The following ERP44 variants were observed in gnomAD, a reference collection of about 807,000 sequenced individuals.
ERP44 encodes endoplasmic reticulum protein 44, also known as endoplasmic reticulum resident protein 44.
In ERP44, 25 loss-of-function variants were observed where a neutral mutation model predicts 53.4. The observed-to-expected ratio is 0.47, with a 90% CI of 0.34 to 0.65. The LOEUF is 0.65. Ranked by LOEUF, ERP44 falls within the 30% of genes least tolerant of loss-of-function variation. The pLI is 0.01. For synonymous variants in ERP44, 145 were observed against 161.2 expected (o/e 0.90, Z 0.76); for missense variants, 338 against 493.2 (o/e 0.69, Z 2.98).
chr9:100,056,226 T>C (rs2118712355), intron 3 of ERP44, among the ~76,000 whole-genome samples: 1 of 152,326 alleles, frequency 6.6e-6, no homozygotes, highest in East Asian at 1.9e-4. Flanking sequence ...TAAAATGGAT[T>C]GGACTACATA....
intron 1 of ERP44, among the ~76,000 whole-genome samples, chr9:100,082,482 A>G (rs2118750114): frequency 6.6e-6 from 1 of 152,148 alleles, no homozygotes; most frequent in African/African-American, 2.4e-5. Flanking sequence ...AGTCAGAGAG[A>G]AAAGACAGGC....
chr9:100,069,094 A>C lies in ERP44; in HGVS notation c.58-8922T>G, dbSNP rs1826270261. On this transcript the variant is annotated intron_variant, in intron 1 of 11. Transcript: ENST00000262455. ...TGTTAAACAGATGCTTGAAGGCAGC[A>C]TGCTCCTTAAGAGTCATCACCACTC... is the stretch of plus-strand genomic sequence containing the variant. Among the ~76,000 whole-genome samples the C allele has an allele frequency of 4.6e-5, 7 of 152,016 alleles. No individual in the cohort carries two copies. In the South Asian group the frequency reaches 1.5e-3, roughly 32 times the overall value.
chr9:99,998,942 G>A, intron 10 of ERP44: 1 of 1,588,430 alleles, frequency 6.3e-7, no homozygotes. Context: ...CCTCCACACA[G>A]TAGGTTTCTA....
At chr9:100,013,667 G>A (rs1368967681) in intron 8 of ERP44, among the ~76,000 whole-genome samples, 1 of 152,114 alleles carries the variant, frequency 6.6e-6, no homozygotes, top group Non-Finnish European at 1.5e-5. Flanking sequence ...GTAAGGACGT[G>A]GAGCAATGTG....
intron 1 of ERP44, among the ~76,000 whole-genome samples, chr9:100,083,210 A>G (rs1826446656): frequency 6.6e-6 from 1 of 152,166 alleles, no homozygotes; most frequent in African/African-American, 2.4e-5. Context: ...ATATAATGCT[A>G]TTCACTGTAA....
At chr9:100,056,162 G>A (rs1457428499) in intron 3 of ERP44, among the ~76,000 whole-genome samples, 2 of 152,134 alleles carry the variant, frequency 1.3e-5, no homozygotes, top group African/African-American at 4.8e-5. Flanking sequence ...ACATCATCTA[G>A]TTGGGTAACC....
At chr9:100,059,899 T>A (rs1419674579) in intron 2 of ERP44, among the ~76,000 whole-genome samples, 3 of 152,196 alleles carry the variant, frequency 2.0e-5, no homozygotes, top group Non-Finnish European at 4.4e-5. Flanking sequence ...AAGAATGGTA[T>A]CTATATCAAG....
intron 4 of ERP44, among the ~76,000 whole-genome samples, chr9:100,047,359 G>A (rs1327388968): frequency 6.6e-6 from 1 of 152,140 alleles, no homozygotes; most frequent in African/African-American, 2.4e-5. Context: ...GTGTGGAACT[G>A]GCATAAAACA....
At chr9:100,060,920 TAG>T (rs1371621134) in intron 1 of ERP44, among the ~76,000 whole-genome samples, 1 of 152,220 alleles carries the variant, frequency 6.6e-6, no homozygotes, top group African/African-American at 2.4e-5. Flanking sequence ...TTGTTTGAAA[TAG>T]AGTTTGTGTA....
At chr9:100,078,954 T>G (rs890655653) in intron 1 of ERP44, among the ~76,000 whole-genome samples, 5 of 152,182 alleles carry the variant, frequency 3.3e-5, no homozygotes, top group Non-Finnish European at 7.3e-5. Context: ...TATCATTGCC[T>G]TTATTTAAAG....
intron 10 of ERP44, among the ~76,000 whole-genome samples, chr9:100,001,646 T>C (rs1024559978): frequency 1.3e-5 from 2 of 152,204 alleles, no homozygotes; most frequent in Non-Finnish European, 2.9e-5. Context: ...CTGCCCTCTT[T>C]TGGTTTCCAT....
At chr9:100,095,717 G>A (rs966015791) in intron 1 of ERP44, among the ~76,000 whole-genome samples, 4 of 152,048 alleles carry the variant, frequency 2.6e-5, no homozygotes, top group Non-Finnish European at 4.4e-5. Flanking sequence ...GAGCAGCCAG[G>A]CTTTGTAAAC....
intron 10 of ERP44, among the ~76,000 whole-genome samples, chr9:99,998,049 TTC>T (rs1180217597): frequency 2.0e-5 from 3 of 152,242 alleles, no homozygotes; most frequent in Non-Finnish European, 4.4e-5. Flanking sequence ...GGAAGTCATT[TTC>T]TGTTTTGGCT....
chr9:100,049,287 C>A (rs926645849), intron 4 of ERP44, among the ~76,000 whole-genome samples: 3 of 152,056 alleles, frequency 2.0e-5, no homozygotes, highest in Non-Finnish European at 4.4e-5. Flanking sequence ...GCACATGCTA[C>A]TTGGGGGGCT....
intron 4 of ERP44, among the ~76,000 whole-genome samples, chr9:100,025,299 C>T (rs1445432401): frequency 1.3e-5 from 2 of 151,966 alleles, no homozygotes; most frequent in East Asian, 1.9e-4. Context: ...GTAATCTTCA[C>T]GGGAATCCTG....
intron 4 of ERP44, among the ~76,000 whole-genome samples, chr9:100,043,366 ATAACT>A (rs1199768544): frequency 6.6e-6 from 1 of 150,600 alleles, no homozygotes. Context: ...ACTTTTAAAA[ATAACT>A]TAAACCGTAT....
chr9:100,030,717 A>T (rs899019759), intron 4 of ERP44, among the ~76,000 whole-genome samples: 4 of 152,128 alleles, frequency 2.6e-5, no homozygotes, highest in Non-Finnish European at 5.9e-5. Flanking sequence ...CTGGACATGG[A>T]GAGCCTTTTT....
intron 6 of ERP44, among the ~76,000 whole-genome samples, 171 bp downstream of exon 6, chr9:100,020,445 A>T (rs542619116): frequency 6.6e-6 from 1 of 152,214 alleles, no homozygotes; most frequent in African/African-American, 2.4e-5. Context: ...AGAAAAACAG[A>T]CTTTTAAAAC....
chr9:100,000,955 T>C (rs576656844), intron 10 of ERP44, among the ~76,000 whole-genome samples: 1 of 152,296 alleles, frequency 6.6e-6, no homozygotes, highest in South Asian at 2.1e-4. Context: ...AGATCTTTCT[T>C]GTTTTCTGAT....
Sources: allele counts gnomAD v4.1 joint callset (sites outside exome capture counted in the v4.1 genomes callset), GRCh38; gene constraint gnomAD v4.1.1; transcripts MANE v1.5; gene names NCBI Gene and HGNC (gene_info 2026-07-23, HGNC 2026-07-21).